NBAS: variants seen among roughly 807,000 people sequenced by gnomAD.
The protein encoded by NBAS is NBAS subunit of NRZ tethering complex.
Under a neutral mutation model 302.5 loss-of-function variants are expected in NBAS, and 219 were observed. The ratio of observed to expected loss-of-function variants is 0.72; its 90% CI spans 0.65 to 0.81. The LOEUF is 0.81. Ranked by LOEUF, NBAS falls within the 30% of genes least tolerant of loss-of-function variation. The probability of loss-of-function intolerance (pLI) is 0.00; values close to 1 mark genes in which losing one functional copy is unlikely to be tolerated. For missense variants in NBAS, 2,932 were observed against 2,841.6 expected (o/e 1.03, Z -0.72); for synonymous variants, 1,118 against 1,021.6 (o/e 1.09, Z -1.80).
At chr2:15,243,070 T>C (rs773555505) in intron 44 of NBAS, among the ~76,000 whole-genome samples, 3 of 152,158 alleles carry the variant, frequency 2.0e-5, no homozygotes, top group Non-Finnish European at 4.4e-5. Flanking sequence ...AACCACTTCC[T>C]ACCACCTTCA....
the NBAS span, among the ~76,000 whole-genome samples, chr2:14,813,113 A>C: frequency 6.6e-6 from 1 of 152,038 alleles, no homozygotes; most frequent in Non-Finnish European, 1.5e-5. Flanking sequence ...AGTCAATTAA[A>C]CCTCTTCATA....
At chr2:14,991,461 G>C in the NBAS span, among the ~76,000 whole-genome samples, 1 of 152,138 alleles carries the variant, frequency 6.6e-6, no homozygotes, top group Non-Finnish European at 1.5e-5. Flanking sequence ...TCCCAGTGTT[G>C]CAGGGAACCA....
the NBAS span, among the ~76,000 whole-genome samples, chr2:15,056,608 G>C: frequency 2.4e-3 from 372 of 152,292 alleles, 2 homozygotes; most frequent in Middle Eastern, 0.01. Flanking sequence ...ACTCACTACA[G>C]AACATCTGGA....
chr2:15,328,246 AC>A lies in NBAS; in HGVS notation c.4413del (p.Cys1472ValfsTer37). On this transcript the variant is annotated frameshift_variant, in exon 37 of 52. Coordinates refer to ENST00000281513, the MANE Select transcript of NBAS (RefSeq NM_015909.4). LOFTEE classifies it high-confidence loss of function. ...TTANEDLEKQGCHPFYESVIS... is the reference protein window; with the variant it reads ...TTANEDLEKQXCHPFYESVIS... ...ATGACAGATTCATAAAAAGGATGAC[AC>A]CCTTGTTTCTCTAGATCTTCATTGG... The A allele has an allele frequency of 6.2e-7, 1 of 1,613,848 alleles. No homozygotes were observed. Among genetic ancestry groups the A allele is most frequent in the Non-Finnish European group, 8.5e-7 (1 of 1,179,902 alleles).
At chr2:14,906,091 A>AAGCAGC in the NBAS span, among the ~76,000 whole-genome samples, 31 of 152,092 alleles carry the variant, frequency 2.0e-4, no homozygotes, top group African/African-American at 7.2e-4. Flanking sequence ...CAGCAGTGGT[A>AAGCAGC]AGCAGCAGCA....
intron 21 of NBAS, among the ~76,000 whole-genome samples, chr2:15,440,194 A>C: frequency 6.6e-6 from 1 of 152,228 alleles, no homozygotes; most frequent in Non-Finnish European, 1.5e-5. Context: ...GAGAACGGGC[A>C]GACTGCCTCC....
the NBAS span, among the ~76,000 whole-genome samples, chr2:15,066,244 A>G: frequency 1.3e-5 from 2 of 152,176 alleles, no homozygotes; most frequent in African/African-American, 4.8e-5. Context: ...AAAATGGATT[A>G]ATGATTTATA....
intron 42 of NBAS, among the ~76,000 whole-genome samples, chr2:15,283,862 A>G (rs1288191615): frequency 1.3e-5 from 2 of 152,216 alleles, no homozygotes; most frequent in Non-Finnish European, 2.9e-5. Context: ...TCATCTGACT[A>G]CAAAACCCAT....
At chr2:15,501,015 A>T (rs1312828388) in intron 11 of NBAS, among the ~76,000 whole-genome samples, 2 of 151,922 alleles carry the variant, frequency 1.3e-5, no homozygotes, top group Non-Finnish European at 2.9e-5. Context: ...TTAAAAGATA[A>T]TACTGGCCAG....
chr2:14,987,438 G>T, the NBAS span, among the ~76,000 whole-genome samples: 3 of 151,108 alleles, frequency 2.0e-5, no homozygotes, highest in Non-Finnish European at 2.9e-5. Context: ...GACATAGCCT[G>T]GCTTAATACT....
intron 36 of NBAS, among the ~76,000 whole-genome samples, chr2:15,330,188 T>A (rs1458275450): frequency 6.6e-6 from 1 of 152,212 alleles, no homozygotes; most frequent in Non-Finnish European, 1.5e-5. Flanking sequence ...ATTGCTCTAC[T>A]GCCTGCCCTG....
At chr2:15,135,763 T>C in the NBAS span, among the ~76,000 whole-genome samples, 1 of 151,004 alleles carries the variant, frequency 6.6e-6, no homozygotes, top group African/African-American at 2.4e-5. Context: ...ACCATCTCCA[T>C]AGAGCAGGGG....
At chr2:15,372,177 T>C (rs1674518934) in intron 31 of NBAS, among the ~76,000 whole-genome samples, 2 of 152,176 alleles carry the variant, frequency 1.3e-5, no homozygotes, top group Admixed American at 1.3e-4. Context: ...AAATAACATG[T>C]GGACCAAATG....
At chr2:15,237,891 C>T (rs1667676030) in intron 45 of NBAS, among the ~76,000 whole-genome samples, 1 of 151,900 alleles carries the variant, frequency 6.6e-6, no homozygotes, top group Non-Finnish European at 1.5e-5. Flanking sequence ...TCCCCTGCCT[C>T]AGCCTCCTGA....
At chr2:15,446,217 C>G (rs571314989) in intron 21 of NBAS, among the ~76,000 whole-genome samples, 10 of 152,018 alleles carry the variant, frequency 6.6e-5, no homozygotes, top group Admixed American at 5.9e-4. Flanking sequence ...TGATAACCAA[C>G]AAGAATAAAC....
At chr2:14,848,732 G>C in the NBAS span, among the ~76,000 whole-genome samples, 1 of 151,300 alleles carries the variant, frequency 6.6e-6, no homozygotes, top group African/African-American at 2.5e-5. Context: ...GGAGATCTGA[G>C]AACGGGCAGA....
chr2:15,179,155 C>A (rs772237080), intron 50 of NBAS, 39 bp from the exon 51 acceptor site: 2 of 1,613,368 alleles, frequency 1.2e-6, no homozygotes, highest in Admixed American at 1.7e-5. Flanking sequence ...AACTCCACGA[C>A]GTACTTCTCA....
At chr2:15,519,648 T>C (rs916646377) in intron 9 of NBAS, among the ~76,000 whole-genome samples, 2 of 152,124 alleles carry the variant, frequency 1.3e-5, no homozygotes, top group Non-Finnish European at 1.5e-5. Flanking sequence ...TCTCCCTATG[T>C]AGCCCAGGCT....
chr2:15,156,871 C>T, the NBAS span, among the ~76,000 whole-genome samples: 1 of 152,164 alleles, frequency 6.6e-6, no homozygotes, highest in South Asian at 2.1e-4. Context: ...TTGAATCTAG[C>T]TACTTAAAAC....
Sources: gnomAD v4.1 joint callset for allele counts (sites outside exome capture counted in the v4.1 genomes callset) on GRCh38, gnomAD v4.1.1 for gene constraint, MANE v1.5 for transcripts, NCBI Gene and HGNC (gene_info 2026-07-23, HGNC 2026-07-21) for gene names.